LGR4: variants seen among roughly 807,000 people sequenced by gnomAD.
LGR4 encodes leucine rich repeat containing G protein-coupled receptor 4.
LGR4 carries 44 observed loss-of-function variants against 84.8 expected under a neutral mutation model. The observed-to-expected ratio is 0.52, with a 90% CI of 0.41 to 0.67. The LOEUF (loss-of-function observed/expected upper bound fraction) is 0.67. Ranked by LOEUF, LGR4 falls within the 30% of genes least tolerant of loss-of-function variation. The pLI, the probability that LGR4 is intolerant of heterozygous loss-of-function variation, is 0.00. For synonymous variants in LGR4, 429 were observed against 434.3 expected, an observed-to-expected ratio of 0.99 and a Z score of 0.15; for missense variants, 1,032 against 1,131.4, an observed-to-expected ratio of 0.91 and a Z score of 1.26.
intron 9 of LGR4, 136 bp downstream of exon 9, chr11:27,380,504 G>T: frequency 1.3e-6 from 1 of 754,526 alleles, no homozygotes; most frequent in Non-Finnish European, 2.1e-6. Context: ...ACAAAAATAA[G>T]AACAATTATA....
chr11:27,459,074 TA>T (rs1328541377), intron 1 of LGR4, among the ~76,000 whole-genome samples: 7 of 152,226 alleles, frequency 4.6e-5, no homozygotes, highest in Non-Finnish European at 7.3e-5. Flanking sequence ...GAATCAGTTT[TA>T]TGAGAAAATG....
At chr11:27,411,458 T>A (rs983995665) in intron 2 of LGR4, among the ~76,000 whole-genome samples, 2 of 151,950 alleles carry the variant, frequency 1.3e-5, no homozygotes, top group Non-Finnish European at 2.9e-5. Context: ...ACATTTGGTA[T>A]ATACTCTTCT....
At position 27,434,293 on chromosome 11, in the gene LGR4, AAG is replaced by A. The variant is rs1272665577; in HGVS notation, c.186-21435_186-21434del. Among the ~76,000 whole-genome samples the A allele has an allele frequency of 6.6e-5, 10 of 152,366 alleles. No individual in the cohort carries two copies. In the East Asian group the frequency reaches 1.9e-3, roughly 29 times the overall value. Reference sequence around the variant, plus strand: ...AAACCTGAAGAGCTCTCATGTAAATAAGAGAAGAATATCTCCATTGCTCTAGA... The same window carrying A: ...AAACCTGAAGAGCTCTCATGTAAATAAGAAGAATATCTCCATTGCTCTAGA... On this transcript the variant is annotated intron_variant, in intron 1 of 17. Transcript: ENST00000379214.
chr11:27,430,890 C>T (rs1864104289), intron 1 of LGR4, among the ~76,000 whole-genome samples: 2 of 152,012 alleles, frequency 1.3e-5, no homozygotes, highest in South Asian at 4.2e-4. Flanking sequence ...ATCCCCACCC[C>T]ACTCCCAGCT....
chr11:27,438,170 G>GC (rs771157273), intron 1 of LGR4, among the ~76,000 whole-genome samples: 1 of 152,126 alleles, frequency 6.6e-6, no homozygotes, highest in Non-Finnish European at 1.5e-5. Flanking sequence ...CTTGGTCTGT[G>GC]CATTTTCCAC....
chr11:27,396,429 G>A (rs1863392820), intron 2 of LGR4, among the ~76,000 whole-genome samples: 1 of 152,158 alleles, frequency 6.6e-6, no homozygotes, highest in Admixed American at 6.5e-5. Context: ...CCAGCAAGAG[G>A]GGCTGAGAAT....
At chr11:27,380,848 C>G in intron 8 of LGR4, 47 bp downstream of exon 8, 1 of 1,270,278 alleles carries the variant, frequency 7.9e-7, no homozygotes, top group Non-Finnish European at 1.1e-6. Flanking sequence ...TGTACGGACA[C>G]AGCTTCACAT....
intron 17 of LGR4, among the ~76,000 whole-genome samples, chr11:27,370,372 G>C (rs191715329): frequency 6.6e-6 from 1 of 152,252 alleles, no homozygotes; most frequent in East Asian, 1.9e-4. Flanking sequence ...TGGAAGGAGG[G>C]GTAGCTCATC....
chr11:27,428,254 C>T (rs1268799791), intron 1 of LGR4, among the ~76,000 whole-genome samples: 2 of 152,038 alleles, frequency 1.3e-5, no homozygotes, highest in East Asian at 1.9e-4. Flanking sequence ...TCTCCTTCTC[C>T]AGCCTCCCGA....
intron 1 of LGR4, among the ~76,000 whole-genome samples, chr11:27,434,430 C>T (rs1864171931): frequency 1.3e-5 from 2 of 152,296 alleles, no homozygotes; most frequent in South Asian, 4.1e-4. Flanking sequence ...CTCATTTCCC[C>T]TTTTAATATT....
intron 11 of LGR4, among the ~76,000 whole-genome samples, chr11:27,377,758 C>T (rs1863014082): frequency 1.3e-5 from 2 of 152,104 alleles, no homozygotes; most frequent in African/African-American, 4.8e-5. Context: ...AGTCCCACTG[C>T]AGTTTTTCCT....
At chr11:27,397,162 G>A (rs1444286431) in intron 2 of LGR4, among the ~76,000 whole-genome samples, 2 of 152,112 alleles carry the variant, frequency 1.3e-5, no homozygotes, top group Non-Finnish European at 2.9e-5. Context: ...TGCCACCTCT[G>A]ACTCTTGGCT....
intron 1 of LGR4, among the ~76,000 whole-genome samples, chr11:27,447,348 T>C (rs1346970835): frequency 1.3e-5 from 2 of 151,992 alleles, no homozygotes; most frequent in Non-Finnish European, 2.9e-5. Flanking sequence ...GGTGTAAGCG[T>C]CCTCTGGACA....
chr11:27,407,871 G>A (rs1841333711), intron 2 of LGR4, among the ~76,000 whole-genome samples: 2 of 151,906 alleles, frequency 1.3e-5, no homozygotes, highest in South Asian at 2.1e-4. Context: ...CTCTCAAATG[G>A]TTCAGAAAAA....
At chr11:27,463,869 T>A (rs1225722072) in intron 1 of LGR4, among the ~76,000 whole-genome samples, 1 of 152,256 alleles carries the variant, frequency 6.6e-6, no homozygotes, top group East Asian at 1.9e-4. Flanking sequence ...TCTTATGAAC[T>A]CTGATTAAAT....
At chr11:27,430,779 G>T (rs1386970745) in intron 1 of LGR4, among the ~76,000 whole-genome samples, 1 of 152,032 alleles carries the variant, frequency 6.6e-6, no homozygotes, top group Non-Finnish European at 1.5e-5. Context: ...TTTAAAACAA[G>T]AAGACAATTC....
rs1448172162 is a variant in LGR4, at chr11:27,372,340, C to T, written c.1438G>A (p.Ala480Thr). 3 of 1,613,850 alleles carry T rather than the reference C, an allele frequency of 1.9e-6. No individual in the cohort carries two copies. Among genetic ancestry groups the T allele is most frequent in the Admixed American group, 1.7e-5 (1 of 59,998 alleles). ...CTGTTATCTTCTGTGTTTAAATTTG[C>T]ATAAGAGTCACAACCCCAAAATGCA... ...CCAFWGCDSY[A>T]NLNTEDNSLQ... Residue 480 changes from alanine to threonine, a missense_variant, in exon 16 of 18, where the codon GCA becomes ACA. Transcript: ENST00000379214.
intron 2 of LGR4, among the ~76,000 whole-genome samples, chr11:27,410,738 T>C (rs1311960656): frequency 1.3e-5 from 2 of 152,166 alleles, no homozygotes; most frequent in African/African-American, 4.8e-5. Flanking sequence ...TCTGCTCTCC[T>C]AACTGAATTC....
At chr11:27,418,414 C>T (rs1863862105) in intron 1 of LGR4, among the ~76,000 whole-genome samples, 1 of 152,176 alleles carries the variant, frequency 6.6e-6, no homozygotes, top group African/African-American at 2.4e-5. Context: ...TCACAATAGA[C>T]ACCCTTCTAA....
Sources: gnomAD v4.1 joint callset for allele counts (sites outside exome capture counted in the v4.1 genomes callset) on GRCh38, gnomAD v4.1.1 for gene constraint, MANE v1.5 for transcripts, NCBI Gene and HGNC (gene_info 2026-07-23, HGNC 2026-07-21) for gene names.